Variants in WIPF3 observed in about 807,000 individuals in gnomAD.
WIPF3 encodes the protein WAS/WASL-interacting protein family member 3.
In WIPF3, 33 loss-of-function variants were observed where a neutral mutation model predicts 38.9. That is an observed-to-expected ratio of 0.85 (90% CI 0.64 to 1.14). The LOEUF (loss-of-function observed/expected upper bound fraction) is 1.14, where lower values mean the gene tolerates loss of function less well. Among genes scored for constraint, WIPF3 ranks in the 50% most tolerant of loss-of-function variants. The probability of loss-of-function intolerance (pLI) is 0.00; values close to 1 mark genes in which losing one functional copy is unlikely to be tolerated. For synonymous variants in WIPF3, 324 were observed against 269.3 expected (o/e 1.20, Z -1.99); for missense variants, 711 against 652.5 (o/e 1.09, Z -0.98).
At chr7:29,875,085 A>T (rs912000686) in intron 2 of WIPF3, among the ~76,000 whole-genome samples, 1 of 152,062 alleles carries the variant, frequency 6.6e-6, no homozygotes, top group African/African-American at 2.4e-5. Context: ...AATGTAACAC[A>T]CCCAGGCACA....
intron 8 of WIPF3, among the ~76,000 whole-genome samples, chr7:29,911,357 T>A (rs1393053214): frequency 6.6e-6 from 1 of 152,144 alleles, no homozygotes; most frequent in Non-Finnish European, 1.5e-5. Context: ...AGATTCAGTG[T>A]AAACCCTACC....
chr7:29,909,569 A>G (rs1786464956), intron 8 of WIPF3, among the ~76,000 whole-genome samples: 1 of 152,226 alleles, frequency 6.6e-6, no homozygotes, highest in Non-Finnish European at 1.5e-5. Context: ...ACATTTCTAA[A>G]AACACAAAAC....
chr7:29,842,386 A>T (rs1482784229), intron 2 of WIPF3, among the ~76,000 whole-genome samples: 13 of 152,176 alleles, frequency 8.5e-5, no homozygotes, highest in Admixed American at 8.5e-4. Flanking sequence ...GGTGCCGTAT[A>T]TTTCTGCCTG....
intron 2 of WIPF3, among the ~76,000 whole-genome samples, chr7:29,848,657 C>A (rs1445950996): frequency 6.6e-6 from 1 of 152,130 alleles, no homozygotes; most frequent in Non-Finnish European, 1.5e-5. Context: ...AATTTTACAG[C>A]TAATTTTATT....
intron 1 of WIPF3, among the ~76,000 whole-genome samples, chr7:29,808,549 G>A (rs974836502): frequency 6.6e-5 from 10 of 152,180 alleles, no homozygotes; most frequent in African/African-American, 1.2e-4. Flanking sequence ...GGGGCAGAGC[G>A]GTCAGGGTGA....
chr7:29,860,602 C>G (rs1465654966), intron 2 of WIPF3, among the ~76,000 whole-genome samples: 1 of 152,164 alleles, frequency 6.6e-6, no homozygotes, highest in Admixed American at 6.5e-5. Flanking sequence ...ATAAATTACC[C>G]AGGCTCAGGT....
Position 29,890,885 on chromosome 7 carries a change from G to A in WIPF3, c.1351+1478G>A, listed in dbSNP as rs190361888. 2.3e-3 allele frequency among the ~76,000 whole-genome samples: 298 copies of A among 132,208 alleles called. 2 individuals carry two copies. Among genetic ancestry groups the A allele is most frequent in the African/African-American group, 8.4e-3 (289 of 34,384 alleles). 86.7% of individuals were successfully genotyped at this position (132,208 alleles called of 152,430 possible). A position where few individuals can be genotyped will look rare whatever the true frequency, so the allele number is the denominator to read the frequency against. On this transcript the variant is annotated intron_variant, in intron 7 of 8. Transcript: ENST00000242140. ...CCTGCCCTGTGCTCAGGTGGAAGGG[G>A]TGAGGGCCTGCCCTGTGCTCAGGTG...
At chr7:29,849,704 T>TA (rs955458075) in intron 2 of WIPF3, among the ~76,000 whole-genome samples, 121 of 152,030 alleles carry the variant, frequency 8.0e-4, no homozygotes, top group Non-Finnish European at 8.5e-4. Context: ...GTTGCGGCTT[T>TA]AAAAAAAAAT....
At chr7:29,834,931 A>G (rs916893588) in intron 2 of WIPF3, 117 bp downstream of exon 2, 2 of 1,260,538 alleles carry the variant, frequency 1.6e-6, no homozygotes, top group Non-Finnish European at 2.2e-6. Flanking sequence ...GGCAGGTGGC[A>G]TCTTAGGTGG....
chr7:29,887,504 T>G (rs1432110945), intron 5 of WIPF3, among the ~76,000 whole-genome samples: 1 of 152,146 alleles, frequency 6.6e-6, no homozygotes, highest in Non-Finnish European at 1.5e-5. Context: ...GGATTCAAGT[T>G]AGGCCCTGGA....
chr7:29,866,891 GA>G (rs1173666392), intron 2 of WIPF3, among the ~76,000 whole-genome samples: 4 of 152,238 alleles, frequency 2.6e-5, no homozygotes, highest in Admixed American at 2.6e-4. Context: ...CTGGGTATAA[GA>G]GGCTGTGTTG....
intron 8 of WIPF3, among the ~76,000 whole-genome samples, chr7:29,909,711 C>T (rs1331541666): frequency 1.3e-5 from 2 of 151,998 alleles, no homozygotes; most frequent in Non-Finnish European, 2.9e-5. Context: ...GCCTAGACAA[C>T]ATAGCGAACC....
intron 2 of WIPF3, among the ~76,000 whole-genome samples, chr7:29,869,372 CAAATCTT>C (rs1785454354): frequency 6.6e-6 from 1 of 152,214 alleles, no homozygotes; most frequent in South Asian, 2.1e-4. Flanking sequence ...AGTTAGCACT[CAAATCTT>C]AAATAATATT....
chr7:29,825,883 C>A (rs1010077749), intron 1 of WIPF3, among the ~76,000 whole-genome samples: 2 of 152,172 alleles, frequency 1.3e-5, no homozygotes, highest in African/African-American at 4.8e-5. Context: ...AGATAATTAA[C>A]TTTAATACCC....
Position 29,889,382 on chromosome 7 carries a change from G to T in WIPF3, c.1326G>T (p.Lys442Asn). The change falls in exon 7 of 9, where the codon AAG (lysine) becomes AAT (asparagine). Residue 442 changes from lysine to asparagine, a missense_variant. Coordinates refer to ENST00000242140, the MANE Select transcript of WIPF3 (RefSeq NM_001080529.3). ...PPPDEYKPCQ[K>N]IYPSKIPRSR... ...CGGATGAATATAAACCATGCCAGAAGATTTACCCCAGCAAGATCCCCAGAA... is the reference window on the plus strand; with the variant it reads ...CGGATGAATATAAACCATGCCAGAATATTTACCCCAGCAAGATCCCCAGAA... The T allele has an allele frequency of 6.2e-7, 1 of 1,613,956 alleles. No homozygotes were observed. Among genetic ancestry groups the T allele is most frequent in the Non-Finnish European group, 8.5e-7 (1 of 1,179,882 alleles).
intron 2 of WIPF3, among the ~76,000 whole-genome samples, chr7:29,848,239 C>CG (rs1207107031): frequency 6.6e-6 from 1 of 152,130 alleles, no homozygotes; most frequent in Non-Finnish European, 1.5e-5. Flanking sequence ...CACGAAGATC[C>CG]GGGGGCATCC....
chr7:29,866,368 C>T (rs1583609585), intron 2 of WIPF3, among the ~76,000 whole-genome samples: 1 of 152,288 alleles, frequency 6.6e-6, no homozygotes, highest in East Asian at 1.9e-4. Flanking sequence ...CTGCATTTTG[C>T]CCTGCAGCCA....
rs566599409 is a variant in WIPF3, at chr7:29,842,357, C to G, written c.90+7543C>G. 5.8e-4 allele frequency among the ~76,000 whole-genome samples: 88 copies of G among 152,328 alleles called. 4 individuals carry two copies. The South Asian group carries it at 0.017, about 29-fold the overall frequency. On this transcript the variant is annotated intron_variant, in intron 2 of 8. Transcript: ENST00000242140. ...ACTTTTTACCATGAAAAGCAACGCT[C>G]TAAGTAGGAAGACACTGAGGTGCCG...
At chr7:29,880,273 C>A (rs1032462323) in intron 4 of WIPF3, among the ~76,000 whole-genome samples, 2 of 152,238 alleles carry the variant, frequency 1.3e-5, no homozygotes, top group East Asian at 1.9e-4. Context: ...TTCCATCATG[C>A]GACTTTTCTA....
Sources: gnomAD v4.1 joint callset for allele counts (sites outside exome capture counted in the v4.1 genomes callset) on GRCh38, gnomAD v4.1.1 for gene constraint, MANE v1.5 for transcripts, NCBI Gene and HGNC (gene_info 2026-07-23, HGNC 2026-07-21) for gene names.